Variants in WDR88 observed in about 807,000 individuals in gnomAD.
WDR88 encodes WD repeat domain 88, also known as WD repeat-containing protein 88.
WDR88 carries 40 observed loss-of-function variants against 46.8 expected under a neutral mutation model. That is an observed-to-expected ratio of 0.86 (90% CI 0.66 to 1.11). WDR88 has a LOEUF of 1.11. Among genes scored for constraint, WDR88 ranks in the 50% most tolerant of loss-of-function variants. The pLI is 0.00. For missense variants in WDR88, 562 were observed against 602.4 expected, an observed-to-expected ratio of 0.93 and a Z score of 0.70; for synonymous variants, 235 against 240.7, an observed-to-expected ratio of 0.98 and a Z score of 0.22.
intron 2 of WDR88, among the ~76,000 whole-genome samples, chr19:33,139,232 C>A (rs975110238): frequency 3.3e-5 from 5 of 152,224 alleles, no homozygotes; most frequent in African/African-American, 1.2e-4. Flanking sequence ...GGGGATGGGG[C>A]TGTGAGGTTC....
chr19:33,132,479 C>T (rs746019535), intron 1 of WDR88, 34 bp downstream of exon 1: 2 of 1,605,564 alleles, frequency 1.2e-6, no homozygotes, highest in South Asian at 2.2e-5. Flanking sequence ...GGGGCACTGG[C>T]CTGTTCCCCA....
intron 3 of WDR88, among the ~76,000 whole-genome samples, chr19:33,147,201 G>A (rs1339863595): frequency 6.6e-6 from 1 of 151,674 alleles, no homozygotes; most frequent in African/African-American, 2.4e-5. Context: ...TGCACCACTG[G>A]ACTGCAGCGT....
At chr19:33,173,208 G>A (rs1359266266) in intron 10 of WDR88, among the ~76,000 whole-genome samples, 3 of 151,940 alleles carry the variant, frequency 2.0e-5, no homozygotes, top group Non-Finnish European at 4.4e-5. Context: ...GAGGGGTGGA[G>A]TGAGGGGGCT....
chr19:33,136,323 G>A (rs983504888), intron 1 of WDR88, among the ~76,000 whole-genome samples: 4 of 152,260 alleles, frequency 2.6e-5, no homozygotes, highest in Admixed American at 2.6e-4. Flanking sequence ...CCAAAGTGCT[G>A]GGATTATAGG....
intron 7 of WDR88, among the ~76,000 whole-genome samples, chr19:33,157,677 GTGTATGTATGTATATATATATA>G (rs1318632004): frequency 2.3e-3 from 8 of 3,448 alleles, no homozygotes; most frequent in Admixed American, 3.3e-3. Flanking sequence ...ATGTGTGTGT[GTGTATGTATGTATATATATATA>G]TATATATATA....
chr19:33,148,917 G>A lies in WDR88; in HGVS notation c.679+7G>A, dbSNP rs576909507. On this transcript the variant is annotated splice_region_variant and intron_variant, in intron 5 of 10. Coordinates refer to ENST00000355868, the MANE Select transcript of WDR88 (RefSeq NM_173479.4). ...ACCGTTTCCGTCATCAAAGGTGAGG[G>A]TGTGCGGGCTCCCTGTATCTTCAGT... is the stretch of plus-strand genomic sequence containing the variant. 2 of 1,613,978 alleles carry A rather than the reference G, an allele frequency of 1.2e-6. No individual in the cohort carries two copies. Among genetic ancestry groups the A allele is most frequent in the East Asian group, 2.2e-5 (1 of 44,868 alleles).
intron 8 of WDR88, among the ~76,000 whole-genome samples, chr19:33,163,610 G>A (rs879221837): frequency 6.6e-6 from 1 of 151,088 alleles, no homozygotes; most frequent in Non-Finnish European, 1.5e-5. Flanking sequence ...TGATGAAACC[G>A]AGGAAGTACA....
At chr19:33,148,730 C>A in intron 4 of WDR88, 42 bp from the exon 5 acceptor site, 1 of 1,613,410 alleles carries the variant, frequency 6.2e-7, no homozygotes. Context: ...TAACACACCA[C>A]ACCTGGCTTA....
At position 33,157,537 on chromosome 19, in the gene WDR88, ATATGTATATATATG is replaced by A. The variant is rs1408454473; in HGVS notation, c.997+997_997+1010del. Among the ~76,000 whole-genome samples, 23 of 107,952 alleles carry A rather than the reference ATATGTATATATATG, an allele frequency of 2.1e-4. No individual in the cohort carries two copies. In the Admixed American group the frequency reaches 2.2e-3, roughly 10 times the overall value. The allele number at this position is 107,952 out of a possible 152,430, so 70.8% of individuals were successfully genotyped here. ...TGTATATATATGTGTATATATATAT[ATATGTATATATATG>A]TGTATATATATATGTATATATGTGT... On this transcript the variant is annotated intron_variant, in intron 7 of 10. Coordinates refer to ENST00000355868, the MANE Select transcript of WDR88 (RefSeq NM_173479.4).
intron 1 of WDR88, among the ~76,000 whole-genome samples, chr19:33,136,166 C>T (rs2145360390): frequency 6.6e-6 from 1 of 152,032 alleles, no homozygotes; most frequent in East Asian, 2.0e-4. Flanking sequence ...AGCGATTCTC[C>T]TGCCTCAGCC....
Position 33,175,516 on chromosome 19 carries a change from T to C in WDR88, c.1363T>C (p.Ser455Pro), listed in dbSNP as rs1228105144. The C allele has an allele frequency of 1.2e-6, 2 of 1,614,180 alleles. No homozygotes were observed. Among genetic ancestry groups the C allele is most frequent in the South Asian group, 1.1e-5 (1 of 91,090 alleles). ...RGLPADTSSS[S>P]SSSERENSPP... ...CTTGCCAGCAGATACTTCATCGTCATCATCATCATCGGAAAGGGAGAACTC... is the reference window on the plus strand; with the variant it reads ...CTTGCCAGCAGATACTTCATCGTCACCATCATCATCGGAAAGGGAGAACTC... Residue 455 changes from serine to proline, a missense_variant, in exon 11 of 11, where the codon TCA (serine) becomes CCA (proline). Coordinates refer to ENST00000355868, the MANE Select transcript of WDR88 (RefSeq NM_173479.4).
chr19:33,149,533 A>T (rs1421312664), intron 5 of WDR88, among the ~76,000 whole-genome samples: 2 of 152,286 alleles, frequency 1.3e-5, no homozygotes, highest in East Asian at 3.9e-4. Flanking sequence ...CAGAGTTAAC[A>T]TTAACAGAGT....
chr19:33,160,236 T>C (rs1169362264), intron 7 of WDR88, among the ~76,000 whole-genome samples, 178 bp from the exon 8 acceptor site: 1 of 152,166 alleles, frequency 6.6e-6, no homozygotes, highest in Non-Finnish European at 1.5e-5. Flanking sequence ...ACATGACTAC[T>C]GTAAATGATA....
rs765035730 is a variant in WDR88 at position 33,137,787 on chromosome 19, G to T, written c.387G>T (p.Trp129Cys). The part of the protein sequence containing the change: ...SGSYDCTVKL[W>C]DPVDGSVVRD... Reference sequence around the variant, plus strand: ...CCTATGACTGCACTGTGAAGCTGTGGGTAGGTGGCCGGCTGTTAGGTACTC... The same window carrying T: ...CCTATGACTGCACTGTGAAGCTGTGTGTAGGTGGCCGGCTGTTAGGTACTC... The change falls in exon 2 of 11, where the codon TGG (tryptophan) becomes TGT (cysteine). Residue 129 changes from tryptophan to cysteine, a missense_variant and splice_region_variant. By Grantham distance (215) the Trp-to-Cys change is radical (BLOSUM62 -2). Coordinates refer to ENST00000355868, the MANE Select transcript of WDR88 (RefSeq NM_173479.4). 1.2e-6 allele frequency: 2 copies of T among 1,612,242 alleles called. No homozygotes were observed. Among genetic ancestry groups the T allele is most frequent in the Non-Finnish European group, 1.7e-6 (2 of 1,179,628 alleles).
chr19:33,135,333 G>A (rs577028519), intron 1 of WDR88, among the ~76,000 whole-genome samples: 7 of 152,238 alleles, frequency 4.6e-5, no homozygotes, highest in Non-Finnish European at 1.0e-4. Flanking sequence ...CTTAGCTAAC[G>A]TCCTCAAGGT....
Position 33,135,871 on chromosome 19 carries a change from TTTTC to T in WDR88, c.277-1786_277-1783del, listed in dbSNP as rs200259433. On this transcript the variant is annotated intron_variant, in intron 1 of 10. Transcript: ENST00000355868. ...GACACAGTATCACACTTTGGTTTTC[TTTTC>T]TTTCTTTCTTTCTTTCTTTTCTTTT... Among the ~76,000 whole-genome samples, 715 of 152,068 alleles carry T rather than the reference TTTTC, an allele frequency of 4.7e-3. 2 individuals are homozygous for T. The highest frequency in any genetic ancestry group is 9.0e-3 in the African/African-American group (372 of 41,464).
intron 10 of WDR88, chr19:33,174,205 G>A (rs1016785351): frequency 6.5e-7 from 1 of 1,536,510 alleles, no homozygotes; most frequent in Non-Finnish European, 8.7e-7. Context: ...CCTACCTGAA[G>A]CTGAAGCAAG....
In WDR88 at chr19:33,147,677, G is replaced by A. The variant is rs1973547174; in HGVS notation, c.509G>A (p.Arg170Lys). 1 of 1,614,018 alleles carries A rather than the reference G, an allele frequency of 6.2e-7. No individual in the cohort carries two copies. Among genetic ancestry groups the A allele is most frequent in the Non-Finnish European group, 8.5e-7 (1 of 1,179,958 alleles). ...GCCGCATCCTATGATAAGACAGTGA[G>A]GGCCTGGGACCTGGAGACAGGCAAG... ...VIAASYDKTVRAWDLETGKLL... is the reference protein window; with the variant it reads ...VIAASYDKTVKAWDLETGKLL... The change falls in exon 4 of 11, where the codon AGG (arginine) becomes AAG (lysine). Residue 170 changes from arginine to lysine, a missense_variant. Transcript: ENST00000355868.
At chr19:33,155,111 A>T (rs1342197383) in intron 6 of WDR88, among the ~76,000 whole-genome samples, 1 of 152,176 alleles carries the variant, frequency 6.6e-6, no homozygotes, top group Non-Finnish European at 1.5e-5. Context: ...TATTTTTCTG[A>T]AAAAGAAGAT....
Sources: gnomAD v4.1 joint callset for allele counts (sites outside exome capture counted in the v4.1 genomes callset) on GRCh38, gnomAD v4.1.1 for gene constraint, MANE v1.5 for transcripts, NCBI Gene and HGNC (gene_info 2026-07-23, HGNC 2026-07-21) for gene names.